The following SAG variants were observed in gnomAD, a reference collection of about 807,000 sequenced individuals.
SAG encodes the protein S-antigen visual arrestin, also known as S-arrestin.
SAG carries 45 observed loss-of-function variants against 55.0 expected under a neutral mutation model. The ratio of observed to expected loss-of-function variants is 0.82; its 90% CI spans 0.64 to 1.05. The LOEUF is 1.05. Ranked by LOEUF, SAG falls within the 50% of genes least tolerant of loss-of-function variation. SAG has a pLI of 0.00. For synonymous variants in SAG, 189 were observed against 197.4 expected (o/e 0.96, Z 0.36); for missense variants, 455 against 512.1 (o/e 0.89, Z 1.08).
chr2:233,332,966 T>A (rs1263578102), intron 10 of SAG: 1 of 150,986 alleles, frequency 6.6e-6, no homozygotes, highest in Admixed American at 6.6e-5. Flanking sequence ...CCTGGCTGAT[T>A]TTGTATTTTT....
chr2:233,316,182 C>T (rs1046715181), intron 3 of SAG, 47 bp downstream of exon 3: 2 of 1,060,950 alleles, frequency 1.9e-6, no homozygotes, highest in African/African-American at 1.6e-5. Context: ...CTTTAAGTCA[C>T]AGATAACCGC....
intron 5 of SAG, among the ~76,000 whole-genome samples, chr2:233,321,725 T>A (rs1056677518): frequency 2.0e-5 from 3 of 152,176 alleles, no homozygotes; most frequent in African/African-American, 7.2e-5. Context: ...TTCATGCCAA[T>A]GAACCGTACA....
chr2:233,328,432 C>T (rs577080087), intron 7 of SAG, 46 bp from the exon 8 acceptor site: 11 of 1,593,678 alleles, frequency 6.9e-6, no homozygotes, highest in East Asian at 2.3e-5. Flanking sequence ...CTCCCTAAAG[C>T]GGCCTGGGTG....
intron 2 of SAG, among the ~76,000 whole-genome samples, chr2:233,314,201 G>A (rs1035279617): frequency 5.4e-5 from 8 of 148,922 alleles, no homozygotes; most frequent in African/African-American, 1.8e-4. Context: ...CAGCCTGGGC[G>A]ACAGAATGAG....
At chr2:233,308,602 T>A (rs186262385) in intron 1 of SAG, among the ~76,000 whole-genome samples, 209 of 152,238 alleles carry the variant, frequency 1.4e-3, no homozygotes, top group African/African-American at 4.7e-3. Context: ...TTCTTTTTTT[T>A]TAAAAAAAGT....
intron 2 of SAG, among the ~76,000 whole-genome samples, chr2:233,310,434 T>C (rs1222582742): frequency 2.0e-5 from 3 of 151,902 alleles, no homozygotes; most frequent in Non-Finnish European, 4.4e-5. Flanking sequence ...GGAATGGCCA[T>C]ATTTCAGGTG....
chr2:233,331,420 G>A (rs1337616323), intron 9 of SAG: 5 of 593,614 alleles, frequency 8.4e-6, no homozygotes, highest in Non-Finnish European at 1.2e-5. Context: ...GACATGGGTG[G>A]GAGTTGATAC....
Position 233,324,996 on chromosome 2 carries a change from C to T in SAG, c.435+1991C>T, listed in dbSNP as rs993694189. Among the ~76,000 whole-genome samples, 4 of 152,000 alleles carry T rather than the reference C, an allele frequency of 2.6e-5. No homozygotes were observed. In the East Asian group the frequency reaches 5.8e-4, roughly 22 times the overall value. On this transcript the variant is annotated intron_variant, in intron 6 of 15. Coordinates refer to ENST00000409110, the MANE Select transcript of SAG (RefSeq NM_000541.5). ...ATCCCAGCACTTTGGGAGGCCGAGG[C>T]GGGCAGATCACCTGTGGTCACGAGT...
At chr2:233,333,384 A>G (rs1379643897) in intron 10 of SAG, 1 of 152,192 alleles carries the variant, frequency 6.6e-6, no homozygotes, top group African/African-American at 2.4e-5. Context: ...TCCTCTTTCA[A>G]AGTGTTGGGT....
At chr2:233,331,403 C>G (rs773038058) in intron 9 of SAG, 6 of 572,840 alleles carry the variant, frequency 1.0e-5, no homozygotes, top group Non-Finnish European at 1.6e-5. Flanking sequence ...GAGCTGCAGC[C>G]TTAGGGGACA....
In SAG at chr2:233,328,608, A is replaced by C; in HGVS notation, c.643A>C (p.Lys215Gln). ...CCTGCACCTTGCGGTCTCTCTCAAC[A>C]AAGAGGTAACCACCTACCATCGCTA... ...KPLHLAVSLN[K>Q]EIYFHGEPIP... The change falls in exon 8 of 16, where the codon AAA (lysine) becomes CAA (glutamine). Residue 215 changes from lysine (K) to glutamine (Q), a missense_variant. Transcript: ENST00000409110. The C allele has an allele frequency of 6.2e-7, 1 of 1,610,184 alleles. No individual in the cohort carries two copies. The highest frequency in any genetic ancestry group is 8.5e-7 in the Non-Finnish European group (1 of 1,177,392).
At chr2:233,337,486 G>A (rs1038550812) in intron 11 of SAG, among the ~76,000 whole-genome samples, 1 of 152,090 alleles carries the variant, frequency 6.6e-6, no homozygotes, top group Non-Finnish European at 1.5e-5. Context: ...CGATCTGCCC[G>A]CCTCCGTCTC....
Position 233,340,362 on chromosome 2 carries a change from T to G in SAG, c.1023-93T>G. 1.7e-5 allele frequency: 19 copies of G among 1,099,698 alleles called. No homozygotes were observed. The highest frequency in any genetic ancestry group is 2.2e-5 in the Non-Finnish European group (16 of 730,020). The allele number at this position is 1,099,698 out of a possible 1,614,324, so 68.1% of individuals were successfully genotyped here. A position where few individuals can be genotyped will look rare whatever the true frequency, so the allele number is the denominator to read the frequency against. ...GTTGTGAGTTCGGGTGCAAGGGCCA[T>G]GAGAGCTGGGCTGTGTCCTGCCTCT... On this transcript the variant is annotated intron_variant, in intron 12 of 15. Transcript: ENST00000409110. This position sits in a 1 kb window ranked among gnomAD's most constrained non-coding sequence, Gnocchi z 4.2.
chr2:233,314,543 A>G (rs1237014153), intron 2 of SAG, among the ~76,000 whole-genome samples: 1 of 152,220 alleles, frequency 6.6e-6, no homozygotes, highest in Non-Finnish European at 1.5e-5. Flanking sequence ...AGACACCCAC[A>G]GTGTTTAGGA....
chr2:233,323,844 A>G (rs1700463339), intron 6 of SAG, among the ~76,000 whole-genome samples: 1 of 152,176 alleles, frequency 6.6e-6, no homozygotes, highest in African/African-American at 2.4e-5. Context: ...ATTAACCGAG[A>G]GCACCAGGTA....
At chr2:233,338,920 CT>C in intron 12 of SAG, 167 bp downstream of exon 12, 1 of 710,258 alleles carries the variant, frequency 1.4e-6, no homozygotes, top group Non-Finnish European at 2.6e-6. Flanking sequence ...TAGTACCATG[CT>C]TCTGTCTGAT....
At chr2:233,321,973 T>C (rs1700392719) in intron 5 of SAG, among the ~76,000 whole-genome samples, 1 of 146,216 alleles carries the variant, frequency 6.8e-6, no homozygotes, top group African/African-American at 2.6e-5. Flanking sequence ...TGAAACCCCG[T>C]CTCTACTAAA....
At chr2:233,339,590 A>C (rs952988420) in intron 12 of SAG, among the ~76,000 whole-genome samples, 8 of 149,608 alleles carry the variant, frequency 5.3e-5, no homozygotes, top group African/African-American at 9.9e-5. Flanking sequence ...ATCTAAAAAC[A>C]GGGTGGAGTT....
rs2125344138 is a variant in SAG, at chr2:233,335,063, T to C, written c.908T>C (p.Ile303Thr). Residue 303 changes from isoleucine (I) to threonine (T), a missense_variant, in exon 11 of 16, where the codon ATC (isoleucine) becomes ACC (threonine). Coordinates refer to ENST00000409110, the MANE Select transcript of SAG (RefSeq NM_000541.5). ...ERRGIALDGK[I>T]KHEDTNLASS... is the part of the protein sequence containing the mutation. ...AGAGGCATTGCCCTGGATGGGAAAA[T>C]CAAGCACGAGGACACAAACCTTGCC... 6.2e-7 allele frequency: 1 copy of C among 1,613,750 alleles called. No individual in the cohort carries two copies. The highest frequency in any genetic ancestry group is 1.7e-5 in the Admixed American group (1 of 60,002).
Sources: gnomAD v4.1 joint callset for allele counts (sites outside exome capture counted in the v4.1 genomes callset) on GRCh38, gnomAD v4.1.1 for gene constraint, Gnocchi (gnomAD v3.1) non-coding constraint, MANE v1.5 for transcripts, NCBI Gene and HGNC (gene_info 2026-07-23, HGNC 2026-07-21) for gene names.